The following CAPZA2 variants were observed in gnomAD, a reference collection of about 807,000 sequenced individuals.
CAPZA2 encodes the protein F-actin-capping protein subunit alpha-2.
A neutral mutation model predicts 44.0 loss-of-function variants in CAPZA2; 13 were observed. That is an observed-to-expected ratio of 0.30 (90% CI 0.19 to 0.47). The LOEUF is 0.47. CAPZA2 is among the 20% of genes least tolerant of loss of function. The pLI is 1.00. For synonymous variants in CAPZA2, 94 were observed against 108.2 expected (o/e 0.87, Z 0.81); for missense variants, 244 against 338.6 (o/e 0.72, Z 2.19).
chr7:116,867,570 C>T (rs865830891), intron 1 of CAPZA2, among the ~76,000 whole-genome samples: 26 of 147,356 alleles, frequency 1.8e-4, no homozygotes, highest in African/African-American at 6.2e-4. Context: ...GCATACTAGT[C>T]CATTTCTCTC....
chr7:116,897,795 T>C (rs896741935), intron 3 of CAPZA2, among the ~76,000 whole-genome samples: 2 of 152,144 alleles, frequency 1.3e-5, no homozygotes, highest in Admixed American at 6.6e-5. Context: ...CTTGGATCCA[T>C]CTCGTCACCA....
At chr7:116,898,952 C>T (rs1001571347) in intron 4 of CAPZA2, 117 bp downstream of exon 4, 3 of 518,166 alleles carry the variant, frequency 5.8e-6, no homozygotes, top group African/African-American at 1.9e-5. Context: ...ATCATAACCA[C>T]TTATGGGCAA....
intron 8 of CAPZA2, among the ~76,000 whole-genome samples, chr7:116,913,562 C>T (rs1791624400): frequency 6.6e-6 from 1 of 152,020 alleles, no homozygotes; most frequent in African/African-American, 2.4e-5. Context: ...TTCTTTCACA[C>T]ATTCTTTCCC....
intron 1 of CAPZA2, among the ~76,000 whole-genome samples, chr7:116,879,103 C>T (rs562067576): frequency 2.5e-5 from 3 of 118,526 alleles, no homozygotes; most frequent in African/African-American, 6.6e-5. Context: ...TCCAGCCTGG[C>T]GACAGAGCAT....
chr7:116,920,358 T>A lies in CAPZA2; in HGVS notation c.*2491T>A, dbSNP rs1791753248. 6.6e-6 allele frequency: 1 copy of A among 152,224 alleles called. No individual in the cohort carries two copies. The highest frequency in any genetic ancestry group is 2.4e-5 in the African/African-American group (1 of 41,442). 9.4% of individuals were successfully genotyped at this position (152,224 alleles called of 1,614,324 possible). On this transcript the variant is annotated 3_prime_UTR_variant, in exon 10 of 10. Transcript: ENST00000361183. ...TTAGTAGGAGACATTATGGCTGCTT[T>A]GCTGAGTAGGCTGAAGTGTGGTGGC...
chr7:116,902,886 AT>A (rs1562962258), intron 4 of CAPZA2, among the ~76,000 whole-genome samples: 1 of 151,940 alleles, frequency 6.6e-6, no homozygotes, highest in Non-Finnish European at 1.5e-5. Context: ...ATTTTAAAAA[AT>A]TTTTTTGTAG....
Position 116,898,712 on chromosome 7 carries a change from A to G in CAPZA2, c.156-60A>G. Reference sequence around the variant, plus strand: ...TTATTGATGGGTGAATTTTTTGACCATTGTTTTTAAAAAACATTAAATATA... The same window carrying G: ...TTATTGATGGGTGAATTTTTTGACCGTTGTTTTTAAAAAACATTAAATATA... On this transcript the variant is annotated intron_variant, in intron 3 of 9. Transcript: ENST00000361183. 6 of 1,143,832 alleles carry G rather than the reference A, an allele frequency of 5.2e-6. No homozygotes were observed. In the South Asian group the frequency reaches 7.1e-5, roughly 14 times the overall value. 70.9% of individuals were successfully genotyped at this position (1,143,832 alleles called of 1,614,324 possible). A position where few individuals can be genotyped will look rare whatever the true frequency, so the allele number is the denominator to read the frequency against.
At chr7:116,902,960 C>T (rs1382721884) in intron 4 of CAPZA2, among the ~76,000 whole-genome samples, 1 of 152,042 alleles carries the variant, frequency 6.6e-6, no homozygotes, top group African/African-American at 2.4e-5. Flanking sequence ...CTATCCTGCC[C>T]CCTTGGCCTC....
chr7:116,893,206 C>T (rs553366349), intron 3 of CAPZA2, among the ~76,000 whole-genome samples, 161 bp downstream of exon 3: 23 of 152,266 alleles, frequency 1.5e-4, no homozygotes, highest in Admixed American at 1.4e-3. Flanking sequence ...TCTCGGCTCA[C>T]TGCAACCTCT....
chr7:116,915,148 C>A (rs2115985234), intron 8 of CAPZA2, among the ~76,000 whole-genome samples: 1 of 152,028 alleles, frequency 6.6e-6, no homozygotes, highest in East Asian at 1.9e-4. Context: ...ACTAAAAATA[C>A]AAAAATGAGA....
chr7:116,871,572 TA>T (rs1489305945), intron 1 of CAPZA2, among the ~76,000 whole-genome samples: 1 of 152,134 alleles, frequency 6.6e-6, no homozygotes, highest in Admixed American at 6.5e-5. Flanking sequence ...TGGAGAGACA[TA>T]AGCCAGATAA....
At chr7:116,898,959 G>A (rs533525514) in intron 4 of CAPZA2, 124 bp downstream of exon 4, 1 of 488,086 alleles carries the variant, frequency 2.0e-6, no homozygotes, top group South Asian at 4.9e-5. Flanking sequence ...CCACTTATGG[G>A]CAAAGTAATT....
intron 2 of CAPZA2, 124 bp downstream of exon 2, chr7:116,888,314 A>G (rs1796789198): frequency 1.7e-6 from 1 of 591,464 alleles, no homozygotes; most frequent in South Asian, 2.3e-5. Context: ...AATTACAATG[A>G]CAATATGTTA....
intron 1 of CAPZA2, among the ~76,000 whole-genome samples, chr7:116,865,213 T>C (rs1339036036): frequency 8.0e-6 from 1 of 125,420 alleles, no homozygotes; most frequent in East Asian, 2.7e-4. Flanking sequence ...TGATACAGAG[T>C]CCCACTCTGT....
At position 116,918,502 on chromosome 7, in the gene CAPZA2, A is replaced by C. The variant is rs1382570128; in HGVS notation, c.*635A>C. The C allele has an allele frequency of 6.6e-6, 1 of 152,654 alleles. No individual in the cohort carries two copies. Among genetic ancestry groups the C allele is most frequent in the Non-Finnish European group, 1.5e-5 (1 of 68,034 alleles). 9.5% of individuals were successfully genotyped at this position (152,654 alleles called of 1,614,324 possible). The stretch of plus-strand genomic sequence containing the variant: ...TTGAGATTCTGAAATTAATGAAAAT[A>C]CTTATTTCAGAAATGCATTTAATGC... On this transcript the variant is annotated 3_prime_UTR_variant, in exon 10 of 10. Transcript: ENST00000361183.
chr7:116,872,778 C>T (rs905002283), intron 1 of CAPZA2, among the ~76,000 whole-genome samples: 1 of 152,158 alleles, frequency 6.6e-6, no homozygotes, highest in Non-Finnish European at 1.5e-5. Flanking sequence ...GTGTCTAAAG[C>T]AGTGACCCTT....
intron 4 of CAPZA2, among the ~76,000 whole-genome samples, chr7:116,903,140 G>A (rs1199930024): frequency 3.9e-5 from 6 of 152,146 alleles, no homozygotes; most frequent in Admixed American, 3.9e-4. Flanking sequence ...GGGACATTAT[G>A]CAGCCATTTA....
At chr7:116,867,315 A>C (rs1796494855) in intron 1 of CAPZA2, among the ~76,000 whole-genome samples, 1 of 152,154 alleles carries the variant, frequency 6.6e-6, no homozygotes, top group Non-Finnish European at 1.5e-5. Context: ...TGCCACTGTT[A>C]GGCTTTTACT....
intron 9 of CAPZA2, among the ~76,000 whole-genome samples, chr7:116,916,510 G>A (rs1352042352): frequency 6.6e-6 from 1 of 152,084 alleles, no homozygotes; most frequent in East Asian, 1.9e-4. Context: ...GTAGTGACGA[G>A]TGCTACTCGG....
Sources: gnomAD v4.1 joint callset for allele counts (sites outside exome capture counted in the v4.1 genomes callset) on GRCh38, gnomAD v4.1.1 for gene constraint, MANE v1.5 for transcripts, NCBI Gene and HGNC (gene_info 2026-07-23, HGNC 2026-07-21) for gene names.